Variants in FOCAD observed in about 807,000 individuals in gnomAD.
The protein encoded by FOCAD is focadhesin.
Under a neutral mutation model 225.6 loss-of-function variants are expected in FOCAD, and 198 were observed. The ratio of observed to expected loss-of-function variants is 0.88; its 90% CI spans 0.78 to 0.99. The LOEUF (loss-of-function observed/expected upper bound fraction) is 0.99, where lower values mean the gene tolerates loss of function less well. Ranked by LOEUF, FOCAD falls within the 50% of genes least tolerant of loss-of-function variation. FOCAD has a pLI of 0.00. For missense variants in FOCAD, 2,713 were observed against 2,123.6 expected, an observed-to-expected ratio of 1.28 and a Z score of -5.46; for synonymous variants, 897 against 755.0, an observed-to-expected ratio of 1.19 and a Z score of -3.08.
At chr9:20,957,684 T>TTTTTATTTA (rs1208371669) in intron 35 of FOCAD, 1 of 139,788 alleles carries the variant, frequency 7.2e-6, no homozygotes, top group African/African-American at 2.6e-5. Flanking sequence ...TTTTTTTTTT[T>TTTTTATTTA]TTTTTTTTTT....
intron 1 of FOCAD, among the ~76,000 whole-genome samples, chr9:20,699,758 AAAAAAAAAAAAAAAAATAT>A (rs1823724818): frequency 3.3e-5 from 2 of 61,066 alleles, no homozygotes; most frequent in African/African-American, 1.3e-4. Context: ...AAAAAAAAAA[AAAAAAAAAAAAAAAAATAT>A]ATATATATAT....
At chr9:20,701,775 A>G (rs1033084825) in intron 1 of FOCAD, among the ~76,000 whole-genome samples, 4 of 152,218 alleles carry the variant, frequency 2.6e-5, no homozygotes, top group Non-Finnish European at 5.9e-5. Flanking sequence ...GCAAGGAGTA[A>G]TCCTTTAATA....
chr9:20,814,587 C>G (rs1284015126), intron 11 of FOCAD, among the ~76,000 whole-genome samples: 1 of 151,938 alleles, frequency 6.6e-6, no homozygotes, highest in Non-Finnish European at 1.5e-5. Context: ...GAACTCCTGC[C>G]CTCAAGTGAT....
chr9:20,747,015 C>T (rs778633924), intron 5 of FOCAD, among the ~76,000 whole-genome samples: 4 of 152,084 alleles, frequency 2.6e-5, no homozygotes, highest in South Asian at 2.1e-4. Flanking sequence ...GCTACACAGT[C>T]GAGGTAGTGT....
intron 3 of FOCAD, among the ~76,000 whole-genome samples, chr9:20,718,776 A>T (rs763356335): frequency 2.0e-5 from 3 of 152,176 alleles, no homozygotes; most frequent in Non-Finnish European, 4.4e-5. Flanking sequence ...TTGAATGTCA[A>T]ATCCCTGTAA....
chr9:20,867,415 C>CT (rs1829384516), intron 18 of FOCAD, among the ~76,000 whole-genome samples: 2 of 151,682 alleles, frequency 1.3e-5, no homozygotes, highest in Admixed American at 6.6e-5. Context: ...AAAAAATCTG[C>CT]TTTTTTTTAG....
chr9:20,676,703 T>A lies in FOCAD; in HGVS notation c.-77-17817T>A, dbSNP rs183961509. 2.0e-5 allele frequency among the ~76,000 whole-genome samples: 3 copies of A among 152,048 alleles called. No homozygotes were observed. In the East Asian group the frequency reaches 5.8e-4, roughly 29 times the overall value. On this transcript the variant is annotated intron_variant, in intron 2 of 45. Coordinates refer to the FOCAD transcript ENST00000380249. ...TAGCATTTTTGGATTTCAATGCAAG[T>A]GGAAAGGAAATTTTCAAACATCAAA...
At chr9:20,770,508 T>C (rs1818106412) in intron 8 of FOCAD, among the ~76,000 whole-genome samples, 1 of 152,164 alleles carries the variant, frequency 6.6e-6, no homozygotes, top group Non-Finnish European at 1.5e-5. Context: ...CAACCAGATC[T>C]CAATCACTAT....
intron 2 of FOCAD, among the ~76,000 whole-genome samples, chr9:20,659,430 G>GAAAGAAAGAAAGAAAGAAAGA: frequency 6.6e-6 from 1 of 150,590 alleles, no homozygotes; most frequent in South Asian, 2.1e-4. Flanking sequence ...AAAGGAGAAA[G>GAAAGAAAGAAAGAAAGAAAGA]AAAGAAAGAA....
rs1842004131 is a variant in FOCAD, at chr9:20,995,611, C to T, written c.5388C>T (p.Thr1796=). Residue 1796 remains threonine (T), a synonymous_variant, in exon 44 of 44, where the codon ACC becomes ACT. Coordinates refer to ENST00000338382, the MANE Select transcript of FOCAD (RefSeq NM_001375567.1). ...AGTTTAAGAAGAAAGCTGTATGGAC[C>T]AGAGCATATGGTTGGTGAACAGTTT... ...LPEFKKKAVW[T]RAYGW is the part of the protein sequence containing the mutation. The T allele has an allele frequency of 6.2e-7, 1 of 1,612,726 alleles. No homozygotes were observed. Among genetic ancestry groups the T allele is most frequent in the Non-Finnish European group, 8.5e-7 (1 of 1,178,906 alleles).
intron 5 of FOCAD, among the ~76,000 whole-genome samples, chr9:20,750,028 G>T (rs1452675968): frequency 6.6e-6 from 1 of 152,126 alleles, no homozygotes. Context: ...TGCTGTTGAT[G>T]ATATTAATAA....
intron 1 of FOCAD, among the ~76,000 whole-genome samples, chr9:20,698,012 C>G (rs1823518671): frequency 6.6e-6 from 1 of 152,224 alleles, no homozygotes; most frequent in South Asian, 2.1e-4. Flanking sequence ...ATAATTGGAT[C>G]AAGTGAGACT....
chr9:20,950,647 T>A (rs1837602357), intron 33 of FOCAD, among the ~76,000 whole-genome samples: 2 of 152,192 alleles, frequency 1.3e-5, no homozygotes, highest in Admixed American at 6.5e-5. Flanking sequence ...ATTTTCATCT[T>A]AAGTAACTGT....
rs1158416905 is a variant in FOCAD, at chr9:20,913,154, AC to A, written c.2807+201del. On this transcript the variant is annotated intron_variant, in intron 23 of 43. Transcript: ENST00000338382. ...ATTTATAAATTATACATACACACAC[AC>A]ACACACACACACACACACACACACA... Among the ~76,000 whole-genome samples, 9 of 141,154 alleles carry A rather than the reference AC, an allele frequency of 6.4e-5. No homozygotes were observed. In the East Asian group the frequency reaches 1.8e-3, roughly 28 times the overall value. The allele number at this position is 141,154 out of a possible 152,430, so 92.6% of individuals were successfully genotyped here. A position where few individuals can be genotyped will look rare whatever the true frequency, so the allele number is the denominator to read the frequency against.
chr9:20,822,536 TATG>T (rs1183836926), intron 14 of FOCAD, among the ~76,000 whole-genome samples: 1 of 152,056 alleles, frequency 6.6e-6, no homozygotes, highest in Non-Finnish European at 1.5e-5. Context: ...TTATCATCAT[TATG>T]ATAGGTGTAA....
chr9:20,771,516 TG>T (rs1452319765), intron 8 of FOCAD, among the ~76,000 whole-genome samples: 1 of 152,108 alleles, frequency 6.6e-6, no homozygotes, highest in Non-Finnish European at 1.5e-5. Flanking sequence ...CCCAGCACTT[TG>T]GGAGGCCGAG....
chr9:20,710,457 C>T (rs1327293411), intron 1 of FOCAD, among the ~76,000 whole-genome samples: 4 of 151,612 alleles, frequency 2.6e-5, no homozygotes, highest in Admixed American at 6.6e-5. Context: ...ATTAGCCAGG[C>T]GTGGTGGCGG....
chr9:20,660,162 T>A (rs958978482), intron 2 of FOCAD, among the ~76,000 whole-genome samples: 1 of 152,198 alleles, frequency 6.6e-6, no homozygotes, highest in Admixed American at 6.5e-5. Context: ...TAAGAGAGGC[T>A]ACAGACAATA....
At chr9:20,885,344 T>A (rs557831724) in intron 21 of FOCAD, 114 bp downstream of exon 21, 1 of 1,126,070 alleles carries the variant, frequency 8.9e-7, no homozygotes, top group South Asian at 3.6e-5. Context: ...TAAGTTGCTT[T>A]TAAAGGCCAC....
Sources: allele counts gnomAD v4.1 joint callset (sites outside exome capture counted in the v4.1 genomes callset), GRCh38; gene constraint gnomAD v4.1.1; transcripts MANE v1.5; gene names NCBI Gene and HGNC (gene_info 2026-07-23, HGNC 2026-07-21).